LMTK2: variants seen among roughly 807,000 people sequenced by gnomAD.
The protein encoded by LMTK2 is lemur tail kinase 2, also known as serine/threonine-protein kinase LMTK2.
Under a neutral mutation model 127.5 loss-of-function variants are expected in LMTK2, and 37 were observed. The ratio of observed to expected loss-of-function variants is 0.29; its 90% CI spans 0.22 to 0.38. The LOEUF is 0.38. Among genes scored for constraint, LMTK2 ranks in the 10% least tolerant of loss-of-function variants. The pLI, the probability that LMTK2 is intolerant of heterozygous loss-of-function variation, is 1.00. For missense variants in LMTK2, 1,694 were observed against 1,920.3 expected, an observed-to-expected ratio of 0.88 and a Z score of 2.20; for synonymous variants, 819 against 810.1, an observed-to-expected ratio of 1.01 and a Z score of -0.19.
At chr7:98,189,603 C>T (rs941161046) in intron 9 of LMTK2, among the ~76,000 whole-genome samples, 33 of 152,038 alleles carry the variant, frequency 2.2e-4, no homozygotes, top group Admixed American at 5.9e-4. Context: ...GAGTCACGTT[C>T]GGGAACATTG....
chr7:98,172,754 T>G (rs1377719959), intron 7 of LMTK2, among the ~76,000 whole-genome samples: 1 of 152,054 alleles, frequency 6.6e-6, no homozygotes, highest in African/African-American at 2.4e-5. Flanking sequence ...TATTCTATTT[T>G]TTATTTATTT....
chr7:98,137,142 A>G (rs1796606738), intron 1 of LMTK2, among the ~76,000 whole-genome samples, 173 bp from the exon 2 acceptor site: 1 of 152,186 alleles, frequency 6.6e-6, no homozygotes, highest in African/African-American at 2.4e-5. Context: ...GTAAATCTAA[A>G]TTATTTCAAA....
intron 2 of LMTK2, among the ~76,000 whole-genome samples, chr7:98,140,787 C>T (rs891718422): frequency 6.6e-5 from 10 of 151,500 alleles, no homozygotes; most frequent in Admixed American, 1.3e-4. Flanking sequence ...CTTGGCCAGG[C>T]GCTGTGGCTA....
At chr7:98,167,443 A>G (rs1797117481) in intron 6 of LMTK2, among the ~76,000 whole-genome samples, 1 of 152,210 alleles carries the variant, frequency 6.6e-6, no homozygotes, top group South Asian at 2.1e-4. Flanking sequence ...GGGAGGCCGC[A>G]GGGAGACTGG....
chr7:98,149,344 C>G (rs746283416), intron 3 of LMTK2, among the ~76,000 whole-genome samples: 2 of 152,202 alleles, frequency 1.3e-5, no homozygotes, highest in Non-Finnish European at 2.9e-5. Flanking sequence ...AGTGGACTTT[C>G]TCCTGGCTCA....
chr7:98,127,964 G>A (rs1011228040), intron 1 of LMTK2, among the ~76,000 whole-genome samples: 3 of 152,138 alleles, frequency 2.0e-5, no homozygotes, highest in Non-Finnish European at 4.4e-5. Context: ...CCAAGATGGC[G>A]AAACCCCGTC....
intron 3 of LMTK2, among the ~76,000 whole-genome samples, chr7:98,148,811 TC>T (rs1346257924): frequency 6.6e-6 from 1 of 152,204 alleles, no homozygotes; most frequent in East Asian, 1.9e-4. Context: ...AGCCTTCACT[TC>T]CTTCTTGTGT....
At chr7:98,144,426 C>G (rs892839055) in intron 3 of LMTK2, among the ~76,000 whole-genome samples, 17 of 149,430 alleles carry the variant, frequency 1.1e-4, no homozygotes, top group Admixed American at 3.3e-4. Flanking sequence ...AAGCGAGACT[C>G]TGTCTCAAAA....
At chr7:98,144,188 C>T (rs1039558397) in intron 3 of LMTK2, among the ~76,000 whole-genome samples, 9 of 151,806 alleles carry the variant, frequency 5.9e-5, no homozygotes, top group Non-Finnish European at 7.4e-5. Flanking sequence ...CCCAGCACTT[C>T]GGGAGGCCGA....
At position 98,119,776 on chromosome 7, in the gene LMTK2, A is replaced by G. The variant is rs564271226; in HGVS notation, c.103+12496A>G. ...TGACATTCTTAATTCCCTTGGTGAT[A>G]AATGGGTGTGCTGTAACGTGAGAAC... is the stretch of plus-strand genomic sequence containing the variant. On this transcript the variant is annotated intron_variant, in intron 1 of 13. Transcript: ENST00000297293. Among the ~76,000 whole-genome samples the G allele has an allele frequency of 2.5e-4, 38 of 152,338 alleles. No homozygotes were observed. The South Asian group carries it at 7.0e-3, about 28-fold the overall frequency.
rs572716829 is a variant in LMTK2, at chr7:98,179,461, C to T, written c.792-5590C>T. On this transcript the variant is annotated intron_variant, in intron 7 of 13. Transcript: ENST00000297293. ...GGTGGTCGTTGGTGGTGCCCAGTGA[C>T]GGAGCCTCTGTTGGCAAAACCTGTA... Among the ~76,000 whole-genome samples the T allele has an allele frequency of 2.1e-4, 32 of 152,296 alleles. No individual in the cohort carries two copies. The South Asian group carries it at 4.8e-3, about 23-fold the overall frequency.
intron 7 of LMTK2, among the ~76,000 whole-genome samples, chr7:98,179,973 C>A (rs1025198627): frequency 6.6e-6 from 1 of 152,154 alleles, no homozygotes; most frequent in Admixed American, 6.5e-5. Flanking sequence ...GCTTTGTGGC[C>A]CTAGCGAAGT....
chr7:98,121,284 A>G (rs1438949663), intron 1 of LMTK2, among the ~76,000 whole-genome samples: 2 of 152,198 alleles, frequency 1.3e-5, no homozygotes, highest in African/African-American at 2.4e-5. Context: ...ATGTTAAACT[A>G]CGAATCATAA....
chr7:98,203,426 C>T (rs1260065874), intron 11 of LMTK2, 148 bp from the exon 12 acceptor site: 2 of 1,000,418 alleles, frequency 2.0e-6, no homozygotes, highest in East Asian at 2.8e-5. Flanking sequence ...TAGTGTCTGT[C>T]CGTCCTCCCA....
chr7:98,159,136 A>G (rs1432259528), intron 5 of LMTK2, among the ~76,000 whole-genome samples: 1 of 152,172 alleles, frequency 6.6e-6, no homozygotes, highest in Non-Finnish European at 1.5e-5. Context: ...TTGGCTTTGA[A>G]TTACTTGCTA....
intron 3 of LMTK2, among the ~76,000 whole-genome samples, chr7:98,150,987 T>C (rs536048140): frequency 2.6e-5 from 4 of 152,228 alleles, no homozygotes; most frequent in Non-Finnish European, 4.4e-5. Flanking sequence ...ATGTGGACTT[T>C]ATTGTATATT....
chr7:98,152,892 TGGTA>T (rs1164916791), intron 4 of LMTK2, among the ~76,000 whole-genome samples: 1 of 152,082 alleles, frequency 6.6e-6, no homozygotes, highest in Non-Finnish European at 1.5e-5. Context: ...TGGCAAGAAG[TGGTA>T]GGACCCAAGA....
intron 1 of LMTK2, among the ~76,000 whole-genome samples, chr7:98,136,958 A>C (rs1257717653): frequency 1.3e-5 from 2 of 152,202 alleles, no homozygotes; most frequent in Non-Finnish European, 2.9e-5. Flanking sequence ...AAAAGGACTA[A>C]AGTGGAGAAA....
chr7:98,132,666 A>G (rs1796538632), intron 1 of LMTK2, among the ~76,000 whole-genome samples: 1 of 152,174 alleles, frequency 6.6e-6, no homozygotes, highest in Non-Finnish European at 1.5e-5. Context: ...TTCTCTTTAT[A>G]AAAGCATATC....
Sources: gnomAD v4.1 joint callset for allele counts (sites outside exome capture counted in the v4.1 genomes callset) on GRCh38, gnomAD v4.1.1 for gene constraint, MANE v1.5 for transcripts, NCBI Gene and HGNC (gene_info 2026-07-23, HGNC 2026-07-21) for gene names.